The following SORD variants were observed in gnomAD, a reference collection of about 807,000 sequenced individuals.
The protein encoded by SORD is (R,R)-butanediol dehydrogenase.
SORD carries 18 observed loss-of-function variants against 35.6 expected under a neutral mutation model. The observed-to-expected ratio is 0.51, with a 90% CI of 0.35 to 0.75. The LOEUF is 0.75. SORD is among the 30% of genes least tolerant of loss of function. The pLI is 0.01. For synonymous variants in SORD, 106 were observed against 152.9 expected (o/e 0.69, Z 2.26); for missense variants, 250 against 390.2 (o/e 0.64, Z 3.03).
intron 4 of SORD, among the ~76,000 whole-genome samples, chr15:45,061,570 T>C (rs1363841044): frequency 6.6e-6 from 1 of 151,116 alleles, no homozygotes; most frequent in Non-Finnish European, 1.5e-5. Flanking sequence ...AGAAACGTCA[T>C]AACAACAATG....
intron 6 of SORD, 32 bp downstream of exon 6, chr15:45,068,278 C>T: frequency 6.5e-7 from 1 of 1,529,508 alleles, no homozygotes; most frequent in African/African-American, 1.4e-5. Context: ...ATCTCCTTGA[C>T]TGGGAAACAG....
intron 1 of SORD, among the ~76,000 whole-genome samples, chr15:45,034,916 C>T (rs1382846590): frequency 6.6e-6 from 1 of 152,212 alleles, no homozygotes; most frequent in African/African-American, 2.4e-5. Context: ...CTTGGCGGGC[C>T]CCGCACTCAG....
Position 45,068,186 on chromosome 15 carries a change from A to G in SORD, c.550A>G (p.Ile184Val), listed in dbSNP as rs1417152218. 4 of 1,613,616 alleles carry G rather than the reference A, an allele frequency of 2.5e-6. No homozygotes were observed. Among genetic ancestry groups the G allele is most frequent in the East Asian group, 2.2e-5 (1 of 44,880 alleles). The part of the protein sequence containing the change: ...HKVLVCGAGP[I>V]GMVTLLVAKA... ...CCATCTTCTGCTTTGTTTAGGGCCA[A>G]TCGGGATGGTCACTTTGCTCGTGGC... Residue 184 changes from isoleucine to valine, a missense_variant, in exon 6 of 9, where the codon ATC (isoleucine) becomes GTC (valine). This residue lies in a region of SORD where 126 missense variants were observed against 148.7 expected (regional missense o/e 0.85). Transcript: ENST00000267814.
At chr15:45,043,985 G>A (rs575368936) in intron 3 of SORD, among the ~76,000 whole-genome samples, 217 of 152,280 alleles carry the variant, frequency 1.4e-3, no homozygotes, top group Middle Eastern at 0.01. Context: ...TTCCTTTACC[G>A]GTGAGGCTGC....
intron 1 of SORD, among the ~76,000 whole-genome samples, chr15:45,027,125 G>A (rs573398545): frequency 3.3e-5 from 5 of 152,324 alleles, no homozygotes; most frequent in Admixed American, 3.3e-4. Context: ...AGAACAAAAC[G>A]AAACAACAAT....
intron 4 of SORD, among the ~76,000 whole-genome samples, chr15:45,065,027 C>A (rs1027869069): frequency 6.6e-6 from 1 of 152,172 alleles, no homozygotes; most frequent in Non-Finnish European, 1.5e-5. Flanking sequence ...TGGGGCAAGT[C>A]ATTTAACCCA....
intron 3 of SORD, among the ~76,000 whole-genome samples, chr15:45,044,398 C>A (rs1260357450): frequency 6.6e-6 from 1 of 151,598 alleles, no homozygotes; most frequent in Non-Finnish European, 1.5e-5. Flanking sequence ...GAAAAATGAG[C>A]AGATATGATC....
intron 1 of SORD, among the ~76,000 whole-genome samples, chr15:45,027,048 G>A (rs77727319): frequency 0.2 from 30,290 of 148,972 alleles, no homozygotes; most frequent in African/African-American, 0.44. Context: ...CAGCAAGGAG[G>A]AGCATTTATA....
At chr15:45,030,549 T>C (rs1892762712) in intron 1 of SORD, among the ~76,000 whole-genome samples, 1 of 152,224 alleles carries the variant, frequency 6.6e-6, no homozygotes, top group Non-Finnish European at 1.5e-5. Flanking sequence ...AAATATTCAA[T>C]TACATAGACC....
intron 1 of SORD, among the ~76,000 whole-genome samples, chr15:45,032,153 G>T (rs1033457388): frequency 7.5e-6 from 1 of 133,674 alleles, no homozygotes; most frequent in African/African-American, 2.8e-5. Flanking sequence ...CTGCTGAGGG[G>T]GTAAAATGGG....
intron 1 of SORD, among the ~76,000 whole-genome samples, chr15:45,034,760 C>A (rs1566957599): frequency 1.3e-5 from 2 of 152,254 alleles, no homozygotes; most frequent in Non-Finnish European, 2.9e-5. Flanking sequence ...CAGCCCACCA[C>A]TGCACCGTGG....
intron 1 of SORD, among the ~76,000 whole-genome samples, chr15:45,031,356 G>A (rs116454075): frequency 0.21 from 31,276 of 150,656 alleles, 6 homozygotes; most frequent in African/African-American, 0.44. Context: ...GGAATGAACC[G>A]TGGCAAGTAG....
At chr15:45,042,603 G>A (rs1566959529) in intron 2 of SORD, 1 of 152,452 alleles carries the variant, frequency 6.6e-6, no homozygotes, top group Non-Finnish European at 1.5e-5. Context: ...GATTCTACCA[G>A]ACCTTTTCTC....
chr15:45,066,331 AG>A (rs1377730014), intron 5 of SORD, among the ~76,000 whole-genome samples: 1 of 145,390 alleles, frequency 6.9e-6, no homozygotes, highest in African/African-American at 2.5e-5. Context: ...TTTTCTTTTG[AG>A]ACAGAGTCTT....
intron 1 of SORD, chr15:45,036,255 A>C (rs918315460): frequency 8.9e-6 from 4 of 447,392 alleles, no homozygotes; most frequent in Admixed American, 4.9e-5. Flanking sequence ...GAACCCACCA[A>C]TTCCGGACAC....
chr15:45,027,741 T>C (rs2576077), intron 1 of SORD, among the ~76,000 whole-genome samples: 30,883 of 150,608 alleles, frequency 0.21, no homozygotes, highest in African/African-American at 0.44. Flanking sequence ...AAATGAATTA[T>C]GGATTCATGA....
chr15:45,065,542 A>C (rs1189531960), intron 5 of SORD, among the ~76,000 whole-genome samples, 153 bp downstream of exon 5: 1 of 152,248 alleles, frequency 6.6e-6, no homozygotes, highest in Non-Finnish European at 1.5e-5. Context: ...AGTGACTAGC[A>C]CTTTGCTAAA....
intron 1 of SORD, among the ~76,000 whole-genome samples, chr15:45,030,560 C>T (rs2412951): frequency 0.21 from 31,252 of 150,988 alleles, no homozygotes; most frequent in African/African-American, 0.44. Flanking sequence ...TACATAGACC[C>T]GAACACAGTG....
At chr15:45,054,034 C>G (rs1268939877) in intron 3 of SORD, among the ~76,000 whole-genome samples, 9 of 148,716 alleles carry the variant, frequency 6.1e-5, no homozygotes, top group Non-Finnish European at 6.0e-5. Context: ...TTTCTTAATC[C>G]AGTCTATCAT....
Sources: gnomAD v4.1 joint callset for allele counts (sites outside exome capture counted in the v4.1 genomes callset) on GRCh38, gnomAD v4.1.1 for gene constraint, gnomAD v4.1.1 regional missense constraint, MANE v1.5 for transcripts, NCBI Gene and HGNC (gene_info 2026-07-23, HGNC 2026-07-21) for gene names.